The following RBFOX2 variants were observed in gnomAD, a reference collection of about 807,000 sequenced individuals.
RBFOX2 encodes the protein RNA binding protein fox-1 homolog 2.
Under a neutral mutation model 49.1 loss-of-function variants are expected in RBFOX2, and 10 were observed. The ratio of observed to expected loss-of-function variants is 0.20; its 90% confidence interval spans 0.13 to 0.35. The LOEUF is 0.35. Among genes scored for constraint, RBFOX2 ranks in the 10% least tolerant of loss-of-function variants. RBFOX2 has a pLI of 1.00. For missense variants in RBFOX2, 323 were observed against 486.9 expected (o/e 0.66, Z 3.17); for synonymous variants, 183 against 187.4 (o/e 0.98, Z 0.19).
chr22:36,028,268 GCCT>G (rs1006080981), exon 1 of RBFOX2: 1 of 1,532,246 alleles, frequency 6.5e-7, no homozygotes, highest in African/African-American at 1.4e-5. Context: ...GTCGGCCGCC[GCCT>G]CCTCAGTGCG....
At chr22:35,745,634 T>C (rs753695282) in intron 11 of RBFOX2, among the ~76,000 whole-genome samples, 8 of 152,194 alleles carry the variant, frequency 5.3e-5, no homozygotes, top group African/African-American at 9.7e-5. Flanking sequence ...TTTGAACCAA[T>C]AGAAAACATT....
chr22:35,758,325 C>T (rs1055565966), intron 9 of RBFOX2, among the ~76,000 whole-genome samples: 2 of 152,166 alleles, frequency 1.3e-5, no homozygotes, highest in African/African-American at 4.8e-5. Flanking sequence ...GAAACGACTA[C>T]ATTGAACAGG....
At chr22:35,954,903 A>C (rs2055374449) in intron 1 of RBFOX2, among the ~76,000 whole-genome samples, 2 of 152,220 alleles carry the variant, frequency 1.3e-5, no homozygotes, top group Admixed American at 1.3e-4. Flanking sequence ...AGGCATAAAG[A>C]AATTACAAAG....
Position 35,838,064 on chromosome 22 carries a change from T to C in RBFOX2, c.27+2128A>G, listed in dbSNP as rs988940949. On this transcript the variant is annotated intron_variant, in intron 1 of 11. Transcript: ENST00000405409. ...TTTCACTAGTTTAAAAAATAAATAA[T>C]GAAAAGTCAAGTCATTGAAAAGCCT... 2.6e-5 allele frequency among the ~76,000 whole-genome samples: 4 copies of C among 152,170 alleles called. No homozygotes were observed. The East Asian group carries it at 7.7e-4, about 29-fold the overall frequency.
intron 1 of RBFOX2, among the ~76,000 whole-genome samples, chr22:35,958,620 G>T (rs1263228991): frequency 6.6e-6 from 1 of 152,028 alleles, no homozygotes; most frequent in African/African-American, 2.4e-5. Context: ...TAATTCCCTG[G>T]TCAGAAAGAA....
At chr22:35,920,613 A>G (rs2050919240) in intron 1 of RBFOX2, among the ~76,000 whole-genome samples, 1 of 152,176 alleles carries the variant, frequency 6.6e-6, no homozygotes. Context: ...TTGTTTACCC[A>G]TAGTACCAAA....
intron 1 of RBFOX2, among the ~76,000 whole-genome samples, chr22:35,823,015 G>A (rs903835288): frequency 6.6e-6 from 1 of 152,022 alleles, no homozygotes; most frequent in Admixed American, 6.6e-5. Context: ...GTAGAGACAG[G>A]GTTTCACCAT....
intron 2 of RBFOX2, among the ~76,000 whole-genome samples, chr22:35,794,334 T>C (rs1444670152): frequency 6.6e-6 from 1 of 152,146 alleles, no homozygotes; most frequent in Non-Finnish European, 1.5e-5. Context: ...TTAACACCAC[T>C]GACCTCAGCT....
chr22:35,861,469 C>T (rs1342774438), intron 1 of RBFOX2, among the ~76,000 whole-genome samples: 6 of 151,900 alleles, frequency 3.9e-5, no homozygotes, highest in African/African-American at 9.7e-5. Flanking sequence ...AAACAACCCA[C>T]GTTTTTTAAA....
chr22:35,876,526 C>T (rs1447063662), intron 1 of RBFOX2, among the ~76,000 whole-genome samples: 1 of 152,020 alleles, frequency 6.6e-6, no homozygotes, highest in Non-Finnish European at 1.5e-5. Flanking sequence ...ACCCTTAAAG[C>T]CTCAAAACAA....
At chr22:35,814,092 C>T (rs1290599682) in intron 1 of RBFOX2, among the ~76,000 whole-genome samples, 1 of 152,156 alleles carries the variant, frequency 6.6e-6, no homozygotes, top group Non-Finnish European at 1.5e-5. Context: ...TTTTAAACCA[C>T]AGATAGTAAC....
chr22:35,794,444 G>C (rs2147647377), intron 2 of RBFOX2, among the ~76,000 whole-genome samples: 1 of 152,172 alleles, frequency 6.6e-6, no homozygotes, highest in African/African-American at 2.4e-5. Flanking sequence ...GGATCACAAG[G>C]TCAGGAGATC....
intron 1 of RBFOX2, among the ~76,000 whole-genome samples, chr22:35,959,967 G>A (rs1001082644): frequency 6.6e-6 from 1 of 152,130 alleles, no homozygotes; most frequent in Admixed American, 6.5e-5. Context: ...CAGTGTAAAT[G>A]CTACGTAGTT....
At chr22:35,744,118 CTA>C (rs1194727940) in exon 12 of RBFOX2, 2 of 1,197,620 alleles carry the variant, frequency 1.7e-6, no homozygotes, top group Admixed American at 2.8e-5. Flanking sequence ...CTTCATCTTG[CTA>C]TAGAGTTCCT....
chr22:35,900,088 T>C (rs2048384309), intron 1 of RBFOX2, among the ~76,000 whole-genome samples: 2 of 152,194 alleles, frequency 1.3e-5, no homozygotes, highest in African/African-American at 4.8e-5. Flanking sequence ...ATGCTCTGCC[T>C]CTGACTCCAA....
At chr22:35,821,598 T>A (rs1954501450) in intron 1 of RBFOX2, among the ~76,000 whole-genome samples, 1 of 75,448 alleles carries the variant, frequency 1.3e-5, no homozygotes, top group Non-Finnish European at 2.3e-5. Context: ...TGAGACTCCG[T>A]CTCCAAAAAA....
intron 1 of RBFOX2, among the ~76,000 whole-genome samples, chr22:35,967,683 C>A (rs2056642508): frequency 6.6e-6 from 1 of 152,032 alleles, no homozygotes; most frequent in African/African-American, 2.4e-5. Context: ...GACATTGGAG[C>A]CCAAAAATAA....
At chr22:35,840,200 C>T in exon 1 of RBFOX2, 1 of 1,614,102 alleles carries the variant, frequency 6.2e-7, no homozygotes, top group East Asian at 2.2e-5. Flanking sequence ...ACCTGAGTTA[C>T]CATTTTCTTT....
intron 1 of RBFOX2, among the ~76,000 whole-genome samples, chr22:35,935,089 T>A (rs2052902216): frequency 6.6e-6 from 1 of 151,952 alleles, no homozygotes; most frequent in Non-Finnish European, 1.5e-5. Context: ...CACACACCAC[T>A]ACACCCGGCT....
Sources: allele counts gnomAD v4.1 joint callset (sites outside exome capture counted in the v4.1 genomes callset), GRCh38; gene constraint gnomAD v4.1.1; transcripts MANE v1.5; gene names NCBI Gene and HGNC (gene_info 2026-07-23, HGNC 2026-07-21).